OTUB1: variants seen among roughly 807,000 people sequenced by gnomAD.
OTUB1 encodes the protein ubiquitin thioesterase OTUB1.
OTUB1 carries 10 observed loss-of-function variants against 35.8 expected under a neutral mutation model. The observed-to-expected ratio is 0.28, with a 90% CI of 0.17 to 0.47. The LOEUF is 0.47. Ranked by LOEUF, OTUB1 falls within the 20% of genes least tolerant of loss-of-function variation. The pLI is 0.99. For missense variants in OTUB1, 264 were observed against 351.6 expected (o/e 0.75, Z 1.99); for synonymous variants, 158 against 143.8 (o/e 1.10, Z -0.71).
Position 63,988,380 on chromosome 11 carries a change from G to A in OTUB1, c.102G>A (p.Gln34=). The change falls in exon 2 of 7, where the codon CAG becomes CAA. Residue 34 remains glutamine (Q), a synonymous_variant. Transcript: ENST00000538426. ...ATGATGAAGCCATCATGGCTCAGCA[G>A]GACCGAATTCAGCAAGAGGTGAGGG... ...LAYDEAIMAQ[Q]DRIQQEIAVQ... is the part of the protein sequence containing the mutation. The A allele has an allele frequency of 1.3e-6, 2 of 1,554,156 alleles. No individual in the cohort carries two copies. The highest frequency in any genetic ancestry group is 1.7e-6 in the Non-Finnish European group (2 of 1,148,090).
intron 4 of OTUB1, 34 bp from the exon 5 acceptor site, chr11:63,996,823 C>G: frequency 6.2e-7 from 1 of 1,613,960 alleles, no homozygotes; most frequent in Non-Finnish European, 8.5e-7. Context: ...GTCGAGGAGC[C>G]CATGCTGGGC....
chr11:63,990,870 G>A (rs1942666700), intron 3 of OTUB1, among the ~76,000 whole-genome samples: 1 of 152,170 alleles, frequency 6.6e-6, no homozygotes, highest in Admixed American at 6.5e-5. Flanking sequence ...GGAAATGGGA[G>A]TGTCCATACC....
rs564360433 is a variant in OTUB1, at chr11:63,991,569, A to C, written c.219+2817A>C. On this transcript the variant is annotated intron_variant, in intron 3 of 6. Transcript: ENST00000538426. The stretch of plus-strand genomic sequence containing the variant: ...AGAGACAGCTGTGGCAGCAGAGCCC[A>C]AGCAGAGAGAGCTCCTCTCTCTCTA... Among the ~76,000 whole-genome samples, 5 of 152,334 alleles carry C rather than the reference A, an allele frequency of 3.3e-5. No individual in the cohort carries two copies. In the South Asian group the frequency reaches 8.3e-4, roughly 25 times the overall value.
At chr11:63,988,175 T>C (rs569968016) in intron 1 of OTUB1, among the ~76,000 whole-genome samples, 162 bp from the exon 2 acceptor site, 1 of 152,336 alleles carries the variant, frequency 6.6e-6, no homozygotes, top group South Asian at 2.1e-4. Context: ...TTGGGAAGGC[T>C]GAGGCAGGAG....
Position 63,997,555 on chromosome 11 carries a change from C to T in OTUB1, c.*9C>T, listed in dbSNP as rs1942734216. 4 of 1,611,400 alleles carry T rather than the reference C, an allele frequency of 2.5e-6. No individual in the cohort carries two copies. Among genetic ancestry groups the T allele is most frequent in the African/African-American group, 2.7e-5 (2 of 74,888 alleles). On this transcript the variant is annotated 3_prime_UTR_variant, in exon 7 of 7. Transcript: ENST00000538426. ...ATATCCTCTACAAATAGGGCTGGCT[C>T]CAGCCCGCTGCTGCCCTGCTGCCCC...
At chr11:63,991,663 G>T (rs966951688) in intron 3 of OTUB1, among the ~76,000 whole-genome samples, 6 of 152,226 alleles carry the variant, frequency 3.9e-5, no homozygotes, top group Non-Finnish European at 1.5e-5. Flanking sequence ...GGCACAGAGA[G>T]TGTGCTCACA....
chr11:63,996,656 G>T lies in OTUB1; in HGVS notation c.338+8G>T, dbSNP rs1232314733. On this transcript the variant is annotated splice_region_variant and intron_variant, in intron 4 of 6. Transcript: ENST00000538426. ...CAGCAAGGAGTTGCAGCGGTGAGAA[G>T]GGTGGGCACTGGGCACCGAGGCAGG... 1.2e-6 allele frequency: 2 copies of T among 1,614,100 alleles called. No individual in the cohort carries two copies. Among genetic ancestry groups the T allele is most frequent in the African/African-American group, 2.7e-5 (2 of 74,952 alleles).
rs537333734 is a variant in OTUB1 at position 63,996,721 on chromosome 11, C to T, written c.338+73C>T. ...CTCCCCGGGCGAGTAGGATGTGTCT[C>T]GAGTAGGGTGTCTCCCTCCTTCCCG... On this transcript the variant is annotated intron_variant, in intron 4 of 6. Transcript: ENST00000538426. 28 of 1,612,638 alleles carry T rather than the reference C, an allele frequency of 1.7e-5. No homozygotes were observed. The Middle Eastern group carries it at 8.2e-4, about 48-fold the overall frequency.
At chr11:63,992,319 G>C (rs1278923375) in intron 3 of OTUB1, among the ~76,000 whole-genome samples, 1 of 152,064 alleles carries the variant, frequency 6.6e-6, no homozygotes, top group Admixed American at 6.6e-5. Context: ...AACAGAAAAA[G>C]ACCGGGGAGC....
At chr11:63,988,774 G>C (rs746780104) in intron 3 of OTUB1, 22 bp downstream of exon 3, 8 of 1,542,650 alleles carry the variant, frequency 5.2e-6, no homozygotes, top group Non-Finnish European at 7.2e-6. Context: ...GCCAGAGCGG[G>C]TGGGAAGCAC....
In OTUB1 at chr11:63,986,518, CA is replaced by C; in HGVS notation, c.58+5del. The C allele has an allele frequency of 6.5e-7, 1 of 1,549,444 alleles. No homozygotes were observed. The highest frequency in any genetic ancestry group is 8.7e-7 in the Non-Finnish European group (1 of 1,146,694). On this transcript the variant is annotated splice_donor_5th_base_variant and intron_variant, in intron 1 of 6. Coordinates refer to ENST00000538426, the MANE Select transcript of OTUB1 (RefSeq NM_017670.3). ...CCGCTGGGCAGCGACTCCGAAGGTA[CA>C]GATCCAAGGAGGGATGTCCGGCCCG...
chr11:63,995,393 G>A (rs1350423516), intron 3 of OTUB1, among the ~76,000 whole-genome samples: 1 of 152,038 alleles, frequency 6.6e-6, no homozygotes, highest in Non-Finnish European at 1.5e-5. Flanking sequence ...ATGGAGTTTC[G>A]CCATGTTGGT....
intron 3 of OTUB1, among the ~76,000 whole-genome samples, chr11:63,991,520 T>A (rs757901400): frequency 6.6e-6 from 1 of 152,214 alleles, no homozygotes; most frequent in African/African-American, 2.4e-5. Context: ...ATGCTGTGCC[T>A]GAGCCCACCT....
chr11:63,998,220 C>T lies in OTUB1; in HGVS notation c.*674C>T, dbSNP rs1160002559. 2 of 182,472 alleles carry T rather than the reference C, an allele frequency of 1.1e-5. No homozygotes were observed. Among genetic ancestry groups the T allele is most frequent in the African/African-American group, 2.4e-5 (1 of 42,138 alleles). 11.3% of individuals were successfully genotyped at this position (182,472 alleles called of 1,614,324 possible). ...TCTAGGCAGGGCTGCCGGTTCTCCACCTCCCCATCCGCCCCAGGCCCCCTG... is the reference window on the plus strand; with the variant it reads ...TCTAGGCAGGGCTGCCGGTTCTCCATCTCCCCATCCGCCCCAGGCCCCCTG... On this transcript the variant is annotated 3_prime_UTR_variant, in exon 7 of 7. Coordinates refer to ENST00000538426, the MANE Select transcript of OTUB1 (RefSeq NM_017670.3).
chr11:63,993,404 G>A (rs1808411012), intron 3 of OTUB1, among the ~76,000 whole-genome samples: 1 of 152,182 alleles, frequency 6.6e-6, no homozygotes, highest in Admixed American at 6.5e-5. Flanking sequence ...GCTCATGCCT[G>A]TAATCCTAGC....
At chr11:63,991,353 C>A (rs1156427151) in intron 3 of OTUB1, among the ~76,000 whole-genome samples, 1 of 152,138 alleles carries the variant, frequency 6.6e-6, no homozygotes. Context: ...CCAGTGGGAC[C>A]CCCCATGCCA....
At chr11:63,995,537 C>T (rs1398631780) in intron 3 of OTUB1, among the ~76,000 whole-genome samples, 2 of 151,978 alleles carry the variant, frequency 1.3e-5, no homozygotes, top group Admixed American at 1.3e-4. Context: ...CTGTGTTGCC[C>T]AGGCTGGTCT....
chr11:63,997,286 G>A lies in OTUB1; in HGVS notation c.618+42G>A, dbSNP rs775120095. The A allele has an allele frequency of 4.3e-6, 7 of 1,611,082 alleles. No homozygotes were observed. In the African/African-American group the frequency reaches 5.3e-5, roughly 12 times the overall value. ...CTTTACTCTCGGCCGGGGGAGTGCAGTGGGCCCACAGGGCCTGGGGCGGGG... is the reference window on the plus strand; with the variant it reads ...CTTTACTCTCGGCCGGGGGAGTGCAATGGGCCCACAGGGCCTGGGGCGGGG... On this transcript the variant is annotated intron_variant, in intron 6 of 6. Transcript: ENST00000538426.
At chr11:63,986,793 C>T (rs1027859671) in intron 1 of OTUB1, 2 of 417,958 alleles carry the variant, frequency 4.8e-6, no homozygotes, top group Non-Finnish European at 8.5e-6. Flanking sequence ...GCCCTCTGCC[C>T]AACCCCTCGG....
Sources: allele counts gnomAD v4.1 joint callset (sites outside exome capture counted in the v4.1 genomes callset), GRCh38; gene constraint gnomAD v4.1.1; transcripts MANE v1.5; gene names NCBI Gene and HGNC (gene_info 2026-07-23, HGNC 2026-07-21).